TM6SF1: variants seen among roughly 807,000 people sequenced by gnomAD.
TM6SF1 encodes transmembrane 6 superfamily member 1.
In TM6SF1, 43 loss-of-function variants were observed where a neutral mutation model predicts 47.1. The ratio of observed to expected loss-of-function variants is 0.91; its 90% CI spans 0.72 to 1.18. The LOEUF (loss-of-function observed/expected upper bound fraction) is 1.18. TM6SF1 is among the 50% of genes most tolerant of loss of function. The probability of loss-of-function intolerance (pLI) is 0.00; values close to 1 mark genes in which losing one functional copy is unlikely to be tolerated. For missense variants in TM6SF1, 390 were observed against 449.0 expected, an observed-to-expected ratio of 0.87 and a Z score of 1.19; for synonymous variants, 177 against 166.3, an observed-to-expected ratio of 1.06 and a Z score of -0.49.
intron 7 of TM6SF1, 101 bp from the exon 8 acceptor site, chr15:83,126,654 G>C: frequency 3.3e-6 from 3 of 922,604 alleles, no homozygotes; most frequent in Non-Finnish European, 3.4e-6. Flanking sequence ...TTGTTAAACA[G>C]CAAAGCAGCT....
chr15:83,132,026 C>T (rs1567157314), intron 9 of TM6SF1: 4 of 152,348 alleles, frequency 2.6e-5, no homozygotes, highest in African/African-American at 7.2e-5. Context: ...GGTTCAGATT[C>T]TAGCCTGTTG....
intron 1 of TM6SF1, chr15:83,111,701 T>G (rs929615374): frequency 4.6e-5 from 45 of 984,764 alleles, no homozygotes; most frequent in Non-Finnish European, 5.4e-5. Context: ...GCCATTGGAG[T>G]GGGCCAGGTA....
At chr15:83,115,536 G>T (rs2034578251) in intron 2 of TM6SF1, 1 of 487,396 alleles carries the variant, frequency 2.1e-6, no homozygotes, top group South Asian at 1.8e-5. Context: ...ACTTGTAGGG[G>T]AGTGGAGGAT....
In TM6SF1 at chr15:83,136,556, A is replaced by C; in HGVS notation, c.997A>C (p.Ile333Leu). The change falls in exon 10 of 10, where the codon ATC becomes CTC. Residue 333 changes from isoleucine to leucine, a missense_variant. Physicochemically the swap from Ile to Leu is conservative, Grantham distance 5 (BLOSUM62 2). Coordinates refer to ENST00000322019, the MANE Select transcript of TM6SF1 (RefSeq NM_023003.5). ...YVYRVPEEAK[I>L]LFLALNIAYG... is the part of the protein sequence containing the mutation. ...CTACAGAGTCCCTGAAGAAGCAAAA[A>C]TCCTTTTTTTAGCATTAAACATAGC... is the stretch of plus-strand genomic sequence containing the variant. 1 of 1,613,838 alleles carries C rather than the reference A, an allele frequency of 6.2e-7. No individual in the cohort carries two copies. The highest frequency in any genetic ancestry group is 8.5e-7 in the Non-Finnish European group (1 of 1,179,896).
At chr15:83,122,108 C>A in intron 5 of TM6SF1, 105 bp downstream of exon 5, 2 of 938,948 alleles carry the variant, frequency 2.1e-6, no homozygotes, top group Non-Finnish European at 3.3e-6. Context: ...TGATTCCAAG[C>A]TTACTAAAAA....
At chr15:83,123,025 C>T (rs941981327) in intron 6 of TM6SF1, 147 bp downstream of exon 6, 1 of 870,586 alleles carries the variant, frequency 1.1e-6, no homozygotes, top group Non-Finnish European at 1.7e-6. Context: ...GTAGCATTAG[C>T]TTACGTATTA....
chr15:83,122,904 C>T (rs1465592045), intron 6 of TM6SF1, 26 bp downstream of exon 6: 1 of 1,612,272 alleles, frequency 6.2e-7, no homozygotes, highest in African/African-American at 1.3e-5. Context: ...TTTGATGTAC[C>T]CTGTTCTCAA....
At chr15:83,112,633 G>A (rs1489776196) in intron 1 of TM6SF1, 164 bp from the exon 2 acceptor site, 3 of 628,518 alleles carry the variant, frequency 4.8e-6, no homozygotes, top group Admixed American at 5.5e-5. Flanking sequence ...CCAAAGAGCT[G>A]CAGATAAACT....
intron 1 of TM6SF1, among the ~76,000 whole-genome samples, chr15:83,109,896 G>T (rs1486336428): frequency 6.6e-6 from 1 of 152,058 alleles, no homozygotes; most frequent in Non-Finnish European, 1.5e-5. Flanking sequence ...GGACTTTATG[G>T]CCACTTCTAC....
In TM6SF1 at chr15:83,121,905, G is replaced by T. The variant is rs190032138; in HGVS notation, c.399-16G>T. 1,758 of 1,569,098 alleles carry T rather than the reference G, an allele frequency of 1.1e-3. 4 individuals carry two copies. In the African/African-American group the frequency reaches 0.013, roughly 11 times the overall value. ...AAACATACCAAGTCAAGATTTTTTT[G>T]TTGTTGTTGTTACAGGGAAACTTAT... is the stretch of plus-strand genomic sequence containing the variant. On this transcript the variant is annotated splice_polypyrimidine_tract_variant and intron_variant, in intron 4 of 9. Transcript: ENST00000322019.
At position 83,126,855 on chromosome 15, in the gene TM6SF1, A is replaced by C. The variant is rs771988826; in HGVS notation, c.801+8A>C. 3.8e-6 allele frequency: 6 copies of C among 1,595,772 alleles called. No homozygotes were observed. The East Asian group carries it at 1.3e-4, about 36-fold the overall frequency. On this transcript the variant is annotated splice_region_variant and intron_variant, in intron 8 of 9. Transcript: ENST00000322019. ...GCTTATCCTAAAATTCAGGTCAAGT[A>C]GTTATGAAGCCTAAGATTTTTCTAA...
Position 83,107,704 on chromosome 15 carries a change from G to A in TM6SF1, c.24G>A (p.Gly8=). The A allele has an allele frequency of 6.4e-7, 1 of 1,565,750 alleles. No homozygotes were observed. The change falls in exon 1 of 10, where the codon GGG becomes GGA. Residue 8 remains glycine, a synonymous_variant. Coordinates refer to ENST00000322019, the MANE Select transcript of TM6SF1 (RefSeq NM_023003.5). The surrounding 1 kb of genome is among the most constrained non-coding windows in gnomAD (Gnocchi z 5.6). MSASAAT[G]VFVLSLSAIP... is the part of the protein sequence containing the mutation. The stretch of plus-strand genomic sequence containing the variant: ...CGATGAGTGCCTCTGCGGCCACCGG[G>A]GTCTTCGTGCTGTCCCTCTCGGCCA...
intron 9 of TM6SF1, chr15:83,128,431 A>G (rs367933931): frequency 7.2e-5 from 11 of 152,226 alleles, no homozygotes; most frequent in African/African-American, 2.7e-4. Context: ...GGGGCTTAAG[A>G]AGGAAGAGAA....
intron 9 of TM6SF1, chr15:83,131,555 C>G (rs2036251441): frequency 6.6e-6 from 1 of 152,620 alleles, no homozygotes; most frequent in Admixed American, 6.5e-5. Context: ...TCGCTTGAAC[C>G]TGGGAGGCAG....
chr15:83,134,097 A>AT (rs2036449060), intron 9 of TM6SF1: 1 of 152,182 alleles, frequency 6.6e-6, no homozygotes, highest in African/African-American at 2.4e-5. Flanking sequence ...CCCTTTTTGT[A>AT]TTTTGACAGT....
In TM6SF1 at chr15:83,126,787, A is replaced by G; in HGVS notation, c.741A>G (p.Arg247=). The G allele has an allele frequency of 1.2e-6, 2 of 1,613,948 alleles. No homozygotes were observed. The highest frequency in any genetic ancestry group is 1.7e-6 in the Non-Finnish European group (2 of 1,179,904). ...TGGATTGCCCATCTGAGCTCTGCCGATTATATACGCAATTTCAAGAGCCCT... is the reference window on the plus strand; with the variant it reads ...TGGATTGCCCATCTGAGCTCTGCCGGTTATATACGCAATTTCAAGAGCCCT... ...IALDCPSELC[R]LYTQFQEPYL... Residue 247 remains arginine, a synonymous_variant, in exon 8 of 10, where the codon CGA becomes CGG. Coordinates refer to ENST00000322019, the MANE Select transcript of TM6SF1 (RefSeq NM_023003.5).
chr15:83,110,429 A>C (rs539402606), intron 1 of TM6SF1, among the ~76,000 whole-genome samples: 9 of 152,258 alleles, frequency 5.9e-5, no homozygotes, highest in Admixed American at 3.9e-4. Context: ...GACAGTGCCA[A>C]GAGTCAGAGA....
intron 2 of TM6SF1, chr15:83,115,296 T>G: frequency 4.5e-6 from 1 of 223,986 alleles, no homozygotes; most frequent in South Asian, 6.7e-5. Flanking sequence ...TTTTGTATTT[T>G]TAGTAGAGAC....
At chr15:83,123,875 C>A (rs970448696) in intron 6 of TM6SF1, among the ~76,000 whole-genome samples, 2 of 152,242 alleles carry the variant, frequency 1.3e-5, no homozygotes, top group African/African-American at 4.8e-5. Flanking sequence ...CAGGGCCAAG[C>A]AGGCATTGTC....
Sources: allele counts gnomAD v4.1 joint callset (sites outside exome capture counted in the v4.1 genomes callset), GRCh38; gene constraint gnomAD v4.1.1; non-coding constraint Gnocchi (gnomAD v3.1); transcripts MANE v1.5; gene names NCBI Gene and HGNC (gene_info 2026-07-23, HGNC 2026-07-21).